CAMTA1: variants seen among roughly 807,000 people sequenced by gnomAD.
CAMTA1 encodes the protein calmodulin-binding transcription activator 1.
In CAMTA1, 27 loss-of-function variants were observed where a neutral mutation model predicts 170.9. That is an observed-to-expected ratio of 0.16 (90% CI 0.12 to 0.22). The LOEUF is 0.22. Ranked by LOEUF, CAMTA1 falls within the 10% of genes least tolerant of loss-of-function variation. CAMTA1 has a pLI of 1.00. For missense variants in CAMTA1, 1,619 were observed against 2,217.2 expected, an observed-to-expected ratio of 0.73 and a Z score of 5.42; for synonymous variants, 833 against 891.5, an observed-to-expected ratio of 0.93 and a Z score of 1.17.
chr1:6,824,382 T>C (rs1489163767), intron 2 of CAMTA1, among the ~76,000 whole-genome samples: 1 of 152,178 alleles, frequency 6.6e-6, no homozygotes, highest in Admixed American at 6.5e-5. Context: ...GGTAGACTGA[T>C]TATTAGGTAG....
chr1:7,491,236 C>G (rs898933059), intron 6 of CAMTA1, among the ~76,000 whole-genome samples: 2 of 152,088 alleles, frequency 1.3e-5, no homozygotes, highest in African/African-American at 4.8e-5. Context: ...AAGGCAGAGC[C>G]GGGAGGACTC....
chr1:6,971,075 C>CA lies in CAMTA1; in HGVS notation c.235-120229_235-120228insA, dbSNP rs1376603361. Reference sequence around the variant, plus strand: ...CTTCTTTCCAAAGGGGCTTGGCTTTCTGTCACCCAGCAGCCAGCTCCATTG... The same window carrying CA: ...CTTCTTTCCAAAGGGGCTTGGCTTTCATGTCACCCAGCAGCCAGCTCCATTG... On this transcript the variant is annotated intron_variant, in intron 3 of 22. Transcript: ENST00000303635. The surrounding 1 kb of genome is among the most constrained non-coding windows in gnomAD (Gnocchi z 4.6). Among the ~76,000 whole-genome samples, 3 of 152,188 alleles carry CA rather than the reference C, an allele frequency of 2.0e-5. No individual in the cohort carries two copies. Among genetic ancestry groups the CA allele is most frequent in the Non-Finnish European group, 4.4e-5 (3 of 68,044 alleles).
At chr1:6,956,123 G>A (rs1488376566) in intron 3 of CAMTA1, among the ~76,000 whole-genome samples, 1 of 152,200 alleles carries the variant, frequency 6.6e-6, no homozygotes, top group African/African-American at 2.4e-5. Context: ...CCACCTGGAG[G>A]TCTATTGCAT....
At chr1:7,487,230 A>G (rs77516162) in intron 6 of CAMTA1, among the ~76,000 whole-genome samples, 4,376 of 152,156 alleles carry the variant, frequency 0.029, 111 homozygotes, top group African/African-American at 0.066. Context: ...CAAGCTCCTC[A>G]GTTAACCATG....
At chr1:6,856,858 G>A (rs182700026) in intron 3 of CAMTA1, among the ~76,000 whole-genome samples, 1 of 152,090 alleles carries the variant, frequency 6.6e-6, no homozygotes, top group African/African-American at 2.4e-5. Context: ...TGGAGGGGAG[G>A]CTTGCGGGCA....
At chr1:7,713,412 C>T (rs1320874875) in intron 11 of CAMTA1, among the ~76,000 whole-genome samples, 4 of 152,136 alleles carry the variant, frequency 2.6e-5, no homozygotes, top group Non-Finnish European at 4.4e-5. Context: ...AAATTAGTTT[C>T]AGGAAATGCC....
At chr1:7,284,143 TC>T in intron 5 of CAMTA1, among the ~76,000 whole-genome samples, 2 of 100,676 alleles carry the variant, frequency 2.0e-5, no homozygotes, top group Non-Finnish European at 3.9e-5. Flanking sequence ...TTCTTCTTCT[TC>T]TTCTTCTTCT....
intron 6 of CAMTA1, among the ~76,000 whole-genome samples, chr1:7,626,283 C>A (rs1228420923): frequency 6.6e-6 from 1 of 152,210 alleles, no homozygotes; most frequent in African/African-American, 2.4e-5. Flanking sequence ...CCACGGCCAG[C>A]CCATTTGTCA....
intron 3 of CAMTA1, among the ~76,000 whole-genome samples, chr1:6,907,856 G>A (rs1678876809): frequency 6.6e-6 from 1 of 152,144 alleles, no homozygotes; most frequent in Non-Finnish European, 1.5e-5. Flanking sequence ...CCTCAGACCT[G>A]GCGCAGTTCC....
In CAMTA1 at chr1:7,089,593, C is replaced by T. The variant is rs545630506; in HGVS notation, c.235-1711C>T. 6.5e-4 allele frequency among the ~76,000 whole-genome samples: 95 copies of T among 146,222 alleles called. 2 individuals are homozygous for T. Among genetic ancestry groups the T allele is most frequent in the Admixed American group, 6.2e-3 (91 of 14,648 alleles). On this transcript the variant is annotated intron_variant, in intron 3 of 22. Coordinates refer to ENST00000303635, the MANE Select transcript of CAMTA1 (RefSeq NM_015215.4). ...CCCATCCCATCCCATCCCATCCATC[C>T]GGCCATCTGTCTAACAAACACTTAT... is the stretch of plus-strand genomic sequence containing the variant.
chr1:7,654,914 A>T (rs770331898), intron 7 of CAMTA1, among the ~76,000 whole-genome samples: 2 of 146,112 alleles, frequency 1.4e-5, no homozygotes, highest in African/African-American at 5.2e-5. Flanking sequence ...ACCCACAAAC[A>T]CACCCATCTA....
At position 7,769,195 on chromosome 1, in the gene CAMTA1, A is replaced by C. The variant is rs1243405771; in HGVS notation, c.*2704A>C. 6.5e-6 allele frequency: 1 copy of C among 152,772 alleles called. No homozygotes were observed. Among genetic ancestry groups the C allele is most frequent in the Non-Finnish European group, 1.5e-5 (1 of 68,048 alleles). 9.5% of individuals were successfully genotyped at this position (152,772 alleles called of 1,614,324 possible). The stretch of plus-strand genomic sequence containing the variant: ...CAAAAATGCACTTCCACTGAAACGA[A>C]GCATTTCTGACCGCTTTTTCTTGGT... On this transcript the variant is annotated 3_prime_UTR_variant, in exon 23 of 23. Coordinates refer to ENST00000303635, the MANE Select transcript of CAMTA1 (RefSeq NM_015215.4).
In CAMTA1 at chr1:7,124,193, A is replaced by G. The variant is rs191076176; in HGVS notation, c.302+32822A>G. Among the ~76,000 whole-genome samples, 320 of 152,156 alleles carry G rather than the reference A, an allele frequency of 2.1e-3. 1 individual carries two copies. Among genetic ancestry groups the G allele is most frequent in the Non-Finnish European group, 3.7e-3 (251 of 67,986 alleles). On this transcript the variant is annotated intron_variant, in intron 4 of 22. Coordinates refer to ENST00000303635, the MANE Select transcript of CAMTA1 (RefSeq NM_015215.4). ...CGTCTCAGGTCTGCCCTTGGCAACAAGCTGTTCTGGCTGGGGCCCTCTTCT... is the reference window on the plus strand; with the variant it reads ...CGTCTCAGGTCTGCCCTTGGCAACAGGCTGTTCTGGCTGGGGCCCTCTTCT...
chr1:7,449,862 C>T (rs2092778869), intron 5 of CAMTA1, among the ~76,000 whole-genome samples: 1 of 152,000 alleles, frequency 6.6e-6, no homozygotes, highest in Non-Finnish European at 1.5e-5. Flanking sequence ...GAGCAGCCCC[C>T]GAGGAGTATG....
Position 7,673,069 on chromosome 1 carries a change from A to G in CAMTA1, c.2779+2032A>G, listed in dbSNP as rs1331339843. ...AGGGCACTGTGGAATTAAACAGTGC[A>G]CCCATCATCTGCTGCCAGAATGCGA... On this transcript the variant is annotated intron_variant, in intron 10 of 22. Coordinates refer to ENST00000303635, the MANE Select transcript of CAMTA1 (RefSeq NM_015215.4). This position sits in a 1 kb window ranked among gnomAD's most constrained non-coding sequence, Gnocchi z 4.6. 2.6e-5 allele frequency among the ~76,000 whole-genome samples: 4 copies of G among 152,100 alleles called. No individual in the cohort carries two copies. The highest frequency in any genetic ancestry group is 2.6e-4 in the Admixed American group (4 of 15,282).
rs114912929 is a variant in CAMTA1 at position 6,891,051 on chromosome 1, G to A, written c.234+65841G>A. ...AGAGAGAGTTGTGAGGATGATGTGA[G>A]ATGATGTGTCTGAGAGTCCTGACAC... On this transcript the variant is annotated intron_variant, in intron 3 of 22. Coordinates refer to ENST00000303635, the MANE Select transcript of CAMTA1 (RefSeq NM_015215.4). Among the ~76,000 whole-genome samples the A allele has an allele frequency of 8.1e-3, 1,232 of 152,348 alleles. 17 individuals carry two copies. Among genetic ancestry groups the A allele is most frequent in the African/African-American group, 0.028 (1,155 of 41,582 alleles).
intron 5 of CAMTA1, among the ~76,000 whole-genome samples, chr1:7,427,047 C>T (rs897104703): frequency 3.3e-5 from 5 of 152,078 alleles, no homozygotes; most frequent in African/African-American, 7.2e-5. Context: ...GCAGGGCAGC[C>T]GACTTAGAGG....
intron 6 of CAMTA1, among the ~76,000 whole-genome samples, chr1:7,528,353 C>T (rs2013624): frequency 0.15 from 22,816 of 151,914 alleles, 1,843 homozygotes; most frequent in Non-Finnish European, 0.17. Flanking sequence ...ACCTTCAGAA[C>T]AGACAGGAAT....
intron 11 of CAMTA1, among the ~76,000 whole-genome samples, chr1:7,727,681 A>G (rs1178999059): frequency 6.6e-6 from 1 of 152,260 alleles, no homozygotes; most frequent in African/African-American, 2.4e-5. Flanking sequence ...CACACACAGC[A>G]TACAGTTAAA....
Sources: gnomAD v4.1 joint callset for allele counts (sites outside exome capture counted in the v4.1 genomes callset) on GRCh38, gnomAD v4.1.1 for gene constraint, Gnocchi (gnomAD v3.1) non-coding constraint, MANE v1.5 for transcripts, NCBI Gene and HGNC (gene_info 2026-07-23, HGNC 2026-07-21) for gene names.